The following COLEC10 variants were observed in gnomAD, a reference collection of about 807,000 sequenced individuals.
COLEC10 encodes the protein collectin-10.
A neutral mutation model predicts 28.4 loss-of-function variants in COLEC10; 22 were observed. That is an observed-to-expected ratio of 0.78 (90% CI 0.55 to 1.11). The LOEUF (loss-of-function observed/expected upper bound fraction) is 1.11, where lower values mean the gene tolerates loss of function less well. Ranked by LOEUF, COLEC10 falls within the 50% of genes least tolerant of loss-of-function variation. COLEC10 has a pLI of 0.00. For missense variants in COLEC10, 361 were observed against 344.1 expected, an observed-to-expected ratio of 1.05 and a Z score of -0.39; for synonymous variants, 125 against 116.1, an observed-to-expected ratio of 1.08 and a Z score of -0.49.
chr8:119,079,254 A>G (rs1815320119), intron 1 of COLEC10, among the ~76,000 whole-genome samples: 1 of 152,142 alleles, frequency 6.6e-6, no homozygotes, highest in African/African-American at 2.4e-5. Flanking sequence ...GCATGACCAC[A>G]TTTACTGCTC....
At chr8:119,006,799 T>C (rs1204430764) in intron 1 of COLEC10, among the ~76,000 whole-genome samples, 1 of 152,054 alleles carries the variant, frequency 6.6e-6, no homozygotes. Flanking sequence ...TTCAACTAAT[T>C]TGCATCTCCA....
chr8:119,103,884 T>C lies in COLEC10; in HGVS notation c.431T>C (p.Phe144Ser). 1.9e-6 allele frequency: 3 copies of C among 1,607,302 alleles called. No homozygotes were observed. Among genetic ancestry groups the C allele is most frequent in the Non-Finnish European group, 2.6e-6 (3 of 1,174,160 alleles). The part of the protein sequence containing the change: ...SIARLKTSMK[F>S]VKNVIAGIRE... ...GCTCGGCTCAAGACATCTATGAAGT[T>C]TGTCAAGAATGGTGAGCATATTCTC... Residue 144 changes from phenylalanine (F) to serine (S), a missense_variant, in exon 5 of 6, where the codon TTT becomes TCT. Coordinates refer to ENST00000332843, the MANE Select transcript of COLEC10 (RefSeq NM_006438.5).
At chr8:118,953,937 A>G in the COLEC10 span, among the ~76,000 whole-genome samples, 2 of 152,212 alleles carry the variant, frequency 1.3e-5, no homozygotes, top group Non-Finnish European at 2.9e-5. Flanking sequence ...CATAACGGTT[A>G]TTATAAAGAT....
rs1210446313 is a variant in COLEC10 at position 119,037,986 on chromosome 8, C to T, written n.235+28433C>T. On this transcript the variant is annotated intron_variant and non_coding_transcript_variant, in intron 2 of 6. Coordinates refer to the COLEC10 transcript ENST00000521788. ...CTATTCACAAACACAGAGTTTGACACATAATAGAGGCTCAATAAATAGAGG... is the reference window on the plus strand; with the variant it reads ...CTATTCACAAACACAGAGTTTGACATATAATAGAGGCTCAATAAATAGAGG... 4.6e-5 allele frequency among the ~76,000 whole-genome samples: 7 copies of T among 152,176 alleles called. No homozygotes were observed. The South Asian group carries it at 6.2e-4, about 13-fold the overall frequency.
At chr8:118,960,533 C>T in the COLEC10 span, among the ~76,000 whole-genome samples, 1 of 151,938 alleles carries the variant, frequency 6.6e-6, no homozygotes, top group Non-Finnish European at 1.5e-5. Flanking sequence ...TGCTGTAATC[C>T]CAGCACTTTG....
At chr8:118,967,358 T>C in the COLEC10 span, among the ~76,000 whole-genome samples, 1 of 152,160 alleles carries the variant, frequency 6.6e-6, no homozygotes. Context: ...CTCTTGCCTC[T>C]AATATGCCAC....
chr8:119,020,021 T>C (rs1236485054), intron 2 of COLEC10, among the ~76,000 whole-genome samples: 1 of 152,172 alleles, frequency 6.6e-6, no homozygotes, highest in Non-Finnish European at 1.5e-5. Flanking sequence ...TCATGCATCG[T>C]CTCCTCTTTG....
At chr8:118,958,779 T>C in the COLEC10 span, among the ~76,000 whole-genome samples, 1,231 of 152,346 alleles carry the variant, frequency 8.1e-3, 11 homozygotes, top group African/African-American at 0.028. Context: ...TATTTATCTT[T>C]CCAGGGTTCT....
At chr8:119,035,184 T>A (rs990494209) in intron 2 of COLEC10, among the ~76,000 whole-genome samples, 2 of 152,210 alleles carry the variant, frequency 1.3e-5, no homozygotes, top group African/African-American at 4.8e-5. Flanking sequence ...AAAGTTTCTC[T>A]CAGATATTAT....
intron 1 of COLEC10, 58 bp downstream of exon 1, chr8:119,067,487 C>A: frequency 2.0e-6 from 3 of 1,483,646 alleles, no homozygotes; most frequent in Non-Finnish European, 2.8e-6. Flanking sequence ...TCCCTCATCT[C>A]TGAACCCCTT....
intron 2 of COLEC10, among the ~76,000 whole-genome samples, chr8:119,010,528 A>G (rs1288292350): frequency 6.6e-6 from 1 of 150,938 alleles, no homozygotes; most frequent in African/African-American, 2.5e-5. Context: ...ATCAAGGAAC[A>G]CAATTACTAG....
At chr8:118,967,665 T>G in the COLEC10 span, among the ~76,000 whole-genome samples, 1 of 152,098 alleles carries the variant, frequency 6.6e-6, no homozygotes, top group Non-Finnish European at 1.5e-5. Flanking sequence ...AGATTGGAAG[T>G]TAAATAATAT....
upstream of COLEC10, among the ~76,000 whole-genome samples, chr8:118,991,587 G>C (rs937250339): frequency 1.2e-4 from 18 of 152,054 alleles, no homozygotes; most frequent in African/African-American, 4.3e-4. Context: ...CCTGGTCTAT[G>C]CACTCACCAT....
intron 2 of COLEC10, among the ~76,000 whole-genome samples, chr8:119,056,636 A>G (rs774519144): frequency 1.2e-4 from 18 of 152,048 alleles, no homozygotes; most frequent in South Asian, 2.1e-4. Flanking sequence ...TGAACAAACA[A>G]ACAAAACAAA....
upstream of COLEC10, among the ~76,000 whole-genome samples, chr8:118,991,311 T>C (rs1813502585): frequency 6.6e-6 from 1 of 152,120 alleles, no homozygotes. Context: ...ACCTCAATAA[T>C]AAAATGAACT....
chr8:119,096,619 T>C (rs774029783), intron 3 of COLEC10, among the ~76,000 whole-genome samples: 2 of 151,782 alleles, frequency 1.3e-5, no homozygotes, highest in African/African-American at 2.4e-5. Flanking sequence ...AATAAAGAAC[T>C]TCTATTCATT....
At position 119,089,646 on chromosome 8, in the gene COLEC10, A is replaced by T. The variant is rs370831621; in HGVS notation, c.149-34A>T. ...GAATGTGCTCATGTTACTGTTTGAG[A>T]TGCTTCACTCTATCTCATTTTCTGT... is the stretch of plus-strand genomic sequence containing the variant. On this transcript the variant is annotated intron_variant, in intron 1 of 5. Coordinates refer to ENST00000332843, the MANE Select transcript of COLEC10 (RefSeq NM_006438.5). 47 of 1,542,728 alleles carry T rather than the reference A, an allele frequency of 3.0e-5. No homozygotes were observed. The East Asian group carries it at 8.6e-4, about 28-fold the overall frequency.
the COLEC10 span, among the ~76,000 whole-genome samples, chr8:118,959,643 T>C: frequency 8.5e-5 from 13 of 152,200 alleles, no homozygotes; most frequent in Admixed American, 2.0e-4. Flanking sequence ...GGTCATTGCA[T>C]GAGGAGATTT....
At chr8:119,075,972 C>T (rs1264717528) in intron 1 of COLEC10, among the ~76,000 whole-genome samples, 1 of 145,186 alleles carries the variant, frequency 6.9e-6, no homozygotes, top group African/African-American at 2.6e-5. Context: ...GCGATCTCGG[C>T]TCACTGCAAG....
Sources: gnomAD v4.1 joint callset for allele counts (sites outside exome capture counted in the v4.1 genomes callset) on GRCh38, gnomAD v4.1.1 for gene constraint, MANE v1.5 for transcripts, NCBI Gene and HGNC (gene_info 2026-07-23, HGNC 2026-07-21) for gene names.